Variants in INSL6 observed in about 807,000 individuals in gnomAD.
INSL6 encodes insulin like 6, also known as insulin-like peptide INSL6.
Under a neutral mutation model 9.4 loss-of-function variants are expected in INSL6, and 16 were observed. The observed-to-expected ratio is 1.70, with a 90% CI of 1.15 to 2.59. INSL6 has a LOEUF of 2.59. Among genes scored for constraint, INSL6 ranks in the 30% most tolerant of loss-of-function variants. INSL6 has a pLI of 0.00. For missense variants in INSL6, 391 were observed against 257.3 expected, an observed-to-expected ratio of 1.52 and a Z score of -3.56; for synonymous variants, 154 against 96.9, an observed-to-expected ratio of 1.59 and a Z score of -3.46.
At chr9:5,174,787 A>T (rs529892879) in intron 1 of INSL6, among the ~76,000 whole-genome samples, 1 of 152,162 alleles carries the variant, frequency 6.6e-6, no homozygotes, top group East Asian at 1.9e-4. Flanking sequence ...ATTGTCTAAA[A>T]CTCCACAAAA....
At chr9:5,135,022 C>T (rs1824365471) in intron 2 of INSL6, among the ~76,000 whole-genome samples, 1 of 152,014 alleles carries the variant, frequency 6.6e-6, no homozygotes, top group Non-Finnish European at 1.5e-5. Context: ...CAAGAAAAAG[C>T]AGGGGTTGCA....
At chr9:5,085,760 A>G in the INSL6 span, 1 of 754,564 alleles carries the variant, frequency 1.3e-6, no homozygotes, top group African/African-American at 1.7e-5. Flanking sequence ...TAGCTTGCAC[A>G]TGTCGGGAGT....
chr9:5,069,734 T>C, the INSL6 span, among the ~76,000 whole-genome samples: 2 of 152,138 alleles, frequency 1.3e-5, no homozygotes, highest in East Asian at 3.8e-4. Context: ...TTTGAATGTA[T>C]GAAGTAACTA....
At chr9:5,033,101 A>C in the INSL6 span, among the ~76,000 whole-genome samples, 44 of 152,364 alleles carry the variant, frequency 2.9e-4, no homozygotes, top group Non-Finnish European at 4.7e-4. Flanking sequence ...TGATGAATGC[A>C]CAAGCCTCAG....
At chr9:5,103,632 G>A in the INSL6 span, among the ~76,000 whole-genome samples, 11 of 152,120 alleles carry the variant, frequency 7.2e-5, no homozygotes, top group African/African-American at 2.7e-4. Flanking sequence ...TTCTCAGCAC[G>A]ACATCACACT....
At chr9:5,178,273 G>A (rs1463021033) in intron 1 of INSL6, among the ~76,000 whole-genome samples, 1 of 151,356 alleles carries the variant, frequency 6.6e-6, no homozygotes, top group Non-Finnish European at 1.5e-5. Context: ...GGACAGAGCT[G>A]TGATCTCTCC....
At chr9:5,139,011 T>C (rs1182460021) in intron 2 of INSL6, among the ~76,000 whole-genome samples, 1 of 152,164 alleles carries the variant, frequency 6.6e-6, no homozygotes, top group Non-Finnish European at 1.5e-5. Flanking sequence ...AAAGTATCTT[T>C]CACTATTAAA....
the INSL6 span, chr9:5,114,358 G>A: frequency 9.4e-6 from 5 of 534,044 alleles, no homozygotes; most frequent in Non-Finnish European, 1.8e-5. Context: ...GAGAAGCAGT[G>A]CAATGGCACG....
At chr9:5,013,484 G>C in the INSL6 span, among the ~76,000 whole-genome samples, 1 of 152,160 alleles carries the variant, frequency 6.6e-6, no homozygotes, top group African/African-American at 2.4e-5. Flanking sequence ...CCACTCCATT[G>C]CCTTTTGGGA....
At chr9:5,164,872 A>G (rs1825014966) in intron 1 of INSL6, among the ~76,000 whole-genome samples, 1 of 152,156 alleles carries the variant, frequency 6.6e-6, no homozygotes, top group Non-Finnish European at 1.5e-5. Flanking sequence ...CCATTTATCA[A>G]TTGATGGACA....
chr9:5,143,030 C>T lies in INSL6; in HGVS notation c.377-9438G>A, dbSNP rs568004289. Among the ~76,000 whole-genome samples the T allele has an allele frequency of 3.3e-5, 5 of 152,174 alleles. No homozygotes were observed. In the East Asian group the frequency reaches 9.6e-4, roughly 29 times the overall value. On this transcript the variant is annotated intron_variant, in intron 2 of 3. Coordinates refer to the INSL6 transcript ENST00000649639. Reference sequence around the variant, plus strand: ...GATATGCTTGAACCAACCTTTCATCCCAGGGATAAAGCCTACTCGATTGTG... The same window carrying T: ...GATATGCTTGAACCAACCTTTCATCTCAGGGATAAAGCCTACTCGATTGTG...
Position 5,123,989 on chromosome 9 carries a change from CTT to C in INSL6, c.*531_*532del, listed in dbSNP as rs1156446438. ...GTGATTAGCATTTTTTCATATGCCT[CTT>C]GTCAGTTTGGGTGTCTTCTTTTGAA... is the stretch of plus-strand genomic sequence containing the variant. On this transcript the variant is annotated 3_prime_UTR_variant, in exon 4 of 4. Transcript: ENST00000649639. Among the ~76,000 whole-genome samples, 9 of 151,100 alleles carry C rather than the reference CTT, an allele frequency of 6.0e-5. No homozygotes were observed. The East Asian group carries it at 1.6e-3, about 26-fold the overall frequency.
chr9:5,069,859 C>T, the INSL6 span: 89 of 1,049,748 alleles, frequency 8.5e-5, no homozygotes, highest in Non-Finnish European at 1.1e-4. Flanking sequence ...TCATTTTACT[C>T]CTCTTTGGAG....
At chr9:5,111,420 C>G in the INSL6 span, 5 of 400,640 alleles carry the variant, frequency 1.2e-5, no homozygotes, top group East Asian at 2.6e-4. Flanking sequence ...ACGCAGCCCA[C>G]GAAGGTCGGG....
chr9:5,162,912 G>A (rs1824957630), downstream of INSL6, among the ~76,000 whole-genome samples: 1 of 152,118 alleles, frequency 6.6e-6, no homozygotes, highest in Non-Finnish European at 1.5e-5. Flanking sequence ...TCCATTTTGG[G>A]TTCACTGGGT....
At chr9:5,132,237 G>A (rs1824305626) in intron 3 of INSL6, 1 of 152,144 alleles carries the variant, frequency 6.6e-6, no homozygotes, top group Non-Finnish European at 1.5e-5. Context: ...AGACTTTACT[G>A]TACAGAACAA....
the INSL6 span, chr9:5,041,498 C>A: frequency 1.5e-5 from 9 of 582,642 alleles, no homozygotes; most frequent in East Asian, 3.8e-4. Context: ...TACAGAAGAT[C>A]GGGGACACAT....
chr9:5,132,694 C>T (rs1169682465), intron 3 of INSL6: 1 of 152,162 alleles, frequency 6.6e-6, no homozygotes, highest in Non-Finnish European at 1.5e-5. Context: ...AGTAGTGAAA[C>T]TGATCTCCTA....
chr9:5,127,541 C>T (rs1417077774), intron 3 of INSL6: 2 of 231,056 alleles, frequency 8.7e-6, no homozygotes, highest in Admixed American at 1.1e-4. Flanking sequence ...TCCCTTGTAT[C>T]TATTTGTGGT....
Sources: allele counts gnomAD v4.1 joint callset (sites outside exome capture counted in the v4.1 genomes callset), GRCh38; gene constraint gnomAD v4.1.1; transcripts MANE v1.5; gene names NCBI Gene and HGNC (gene_info 2026-07-23, HGNC 2026-07-21).